ZCCHC14: variants seen among roughly 807,000 people sequenced by gnomAD.
ZCCHC14 encodes the protein zinc finger CCHC-type containing 14, also known as zinc finger CCHC domain-containing protein 14.
Under a neutral mutation model 85.0 loss-of-function variants are expected in ZCCHC14, and 16 were observed. That is an observed-to-expected ratio of 0.19 (90% CI 0.13 to 0.29). The LOEUF (loss-of-function observed/expected upper bound fraction) is 0.29. Among genes scored for constraint, ZCCHC14 ranks in the 10% least tolerant of loss-of-function variants. ZCCHC14 has a pLI of 1.00. For synonymous variants in ZCCHC14, 775 were observed against 630.7 expected (o/e 1.23, Z -3.43); for missense variants, 1,303 against 1,443.5 (o/e 0.90, Z 1.58).
At position 87,410,250 on chromosome 16, in the gene ZCCHC14, T is replaced by C; in HGVS notation, c.*30A>G. On this transcript the variant is annotated 3_prime_UTR_variant, in exon 13 of 13. Coordinates refer to ENST00000671377, the MANE Select transcript of ZCCHC14 (RefSeq NM_015144.3). Reference sequence around the variant, plus strand: ...TTAATTTTCCTTATGTCTCCATGGCTTAATAACGTTCTGTTGCCAGAGAAA... The same window carrying C: ...TTAATTTTCCTTATGTCTCCATGGCCTAATAACGTTCTGTTGCCAGAGAAA... The C allele has an allele frequency of 1.3e-6, 1 of 749,724 alleles. No individual in the cohort carries two copies. Among genetic ancestry groups the C allele is most frequent in the South Asian group, 1.4e-5 (1 of 69,024 alleles). 46.4% of individuals were successfully genotyped at this position (749,724 alleles called of 1,614,324 possible).
rs75203990 is a variant in ZCCHC14 at position 87,471,287 on chromosome 16, A to G, written c.571-11156T>C. 51 of 152,378 alleles carry G rather than the reference A, an allele frequency of 3.3e-4. No individual in the cohort carries two copies. The East Asian group carries it at 8.7e-3, about 26-fold the overall frequency. 9.4% of individuals were successfully genotyped at this position (152,378 alleles called of 1,614,324 possible). ...GCTAAAATAGTCATTACGTGTCTCT[A>G]AAAACCAGAACAAGAAGACAGACAG... On this transcript the variant is annotated intron_variant, in intron 1 of 12. Coordinates refer to ENST00000671377, the MANE Select transcript of ZCCHC14 (RefSeq NM_015144.3).
chr16:87,467,072 A>G, intron 1 of ZCCHC14: 1 of 483,326 alleles, frequency 2.1e-6, no homozygotes, highest in Non-Finnish European at 3.7e-6. Flanking sequence ...TACTAAAGAG[A>G]CAGGGTCCCG....
At chr16:87,462,617 G>T (rs1176351876) in intron 1 of ZCCHC14, among the ~76,000 whole-genome samples, 4 of 151,650 alleles carry the variant, frequency 2.6e-5, no homozygotes, top group Admixed American at 2.6e-4. Context: ...GCGGGTGCTT[G>T]TAGTCCCAGC....
In ZCCHC14 at chr16:87,408,595, GGAGAA is replaced by G. The variant is rs1191627957; in HGVS notation, c.*1680_*1684del. On this transcript the variant is annotated 3_prime_UTR_variant, in exon 13 of 13. Transcript: ENST00000671377. ...AACACTGTAATACTGTGTACCATGAGGAGAAGAGGTCTGTTAATTCTGCATTGCAT... is the reference window on the plus strand; with the variant it reads ...AACACTGTAATACTGTGTACCATGAGGAGGTCTGTTAATTCTGCATTGCAT... 3 of 152,414 alleles carry G rather than the reference GGAGAA, an allele frequency of 2.0e-5. No individual in the cohort carries two copies. The highest frequency in any genetic ancestry group is 1.9e-4 in the East Asian group (1 of 5,198). The allele number at this position is 152,414 out of a possible 1,614,324, so 9.4% of individuals were successfully genotyped here. A position where few individuals can be genotyped will look rare whatever the true frequency, so the allele number is the denominator to read the frequency against.
At chr16:87,425,912 A>C (rs1205763800) in intron 3 of ZCCHC14, among the ~76,000 whole-genome samples, 1 of 152,244 alleles carries the variant, frequency 6.6e-6, no homozygotes, top group African/African-American at 2.4e-5. Context: ...CCAGCGATTA[A>C]ACATGGTATG....
At chr16:87,477,433 A>C (rs1451049848) in intron 1 of ZCCHC14, among the ~76,000 whole-genome samples, 1 of 152,192 alleles carries the variant, frequency 6.6e-6, no homozygotes, top group Non-Finnish European at 1.5e-5. Context: ...GAGCTGGCAG[A>C]AGCCGGGGAT....
In ZCCHC14 at chr16:87,447,277, CTG is replaced by C. The variant is rs1313397153; in HGVS notation, c.694+12729_694+12730del. ...GGACACCTGCCAGACTGCAAAGGGC[CTG>C]TGTGAAACGGCAAGGGGGTCAGGTG... On this transcript the variant is annotated intron_variant, in intron 2 of 12. Coordinates refer to ENST00000671377, the MANE Select transcript of ZCCHC14 (RefSeq NM_015144.3). Among the ~76,000 whole-genome samples the C allele has an allele frequency of 2.9e-3, 434 of 151,958 alleles. 8 individuals are homozygous for C. Among genetic ancestry groups the C allele is most frequent in the Non-Finnish European group, 3.8e-4 (26 of 67,948 alleles).
chr16:87,413,256 C>T (rs34970062), intron 10 of ZCCHC14, 61 bp from the exon 11 acceptor site: 80,825 of 1,458,378 alleles, frequency 0.055, 2,506 homozygotes, highest in Middle Eastern at 0.083. Flanking sequence ...CAGCCCGCCC[C>T]GTGCCCCTGC....
intron 1 of ZCCHC14, among the ~76,000 whole-genome samples, chr16:87,469,531 C>G (rs1025666452): frequency 1.3e-5 from 2 of 152,232 alleles, no homozygotes; most frequent in African/African-American, 4.8e-5. Context: ...GCCCCTGTTT[C>G]GTCCACTATG....
chr16:87,468,218 TG>T (rs2150766399), intron 1 of ZCCHC14, among the ~76,000 whole-genome samples: 1 of 152,326 alleles, frequency 6.6e-6, no homozygotes, highest in South Asian at 2.1e-4. Context: ...GACGTACAGA[TG>T]GTGACATCTG....
At chr16:87,490,026 T>C (rs1460355613) in intron 1 of ZCCHC14, among the ~76,000 whole-genome samples, 1 of 152,140 alleles carries the variant, frequency 6.6e-6, no homozygotes, top group East Asian at 1.9e-4. Flanking sequence ...CTTACATGGA[T>C]TACTATAAAC....
intron 1 of ZCCHC14, among the ~76,000 whole-genome samples, chr16:87,481,552 G>GGGGGGGGGA (rs1567544383): frequency 3.2e-5 from 1 of 31,166 alleles, no homozygotes; most frequent in Non-Finnish European, 7.0e-5. Flanking sequence ...TGGGGGGGGG[G>GGGGGGGGGA]AAGGGTAAGC....
intron 1 of ZCCHC14, among the ~76,000 whole-genome samples, chr16:87,477,138 A>C (rs1164372931): frequency 2.4e-5 from 3 of 126,708 alleles, no homozygotes; most frequent in South Asian, 2.4e-4. Context: ...AAAAAAAAAA[A>C]AAACAAAACA....
At chr16:87,437,870 A>T (rs1262360242) in intron 2 of ZCCHC14, among the ~76,000 whole-genome samples, 1 of 152,240 alleles carries the variant, frequency 6.6e-6, no homozygotes, top group Non-Finnish European at 1.5e-5. Flanking sequence ...GGAAGCTGGA[A>T]TAAGAATGGT....
chr16:87,430,994 G>C (rs978939198), intron 3 of ZCCHC14, among the ~76,000 whole-genome samples: 2 of 152,016 alleles, frequency 1.3e-5, no homozygotes, highest in Non-Finnish European at 2.9e-5. Flanking sequence ...CAAAAAATTA[G>C]CTGGGTATGG....
intron 2 of ZCCHC14, among the ~76,000 whole-genome samples, chr16:87,441,234 C>T (rs370883072): frequency 1.4e-4 from 21 of 151,374 alleles, no homozygotes; most frequent in East Asian, 2.0e-4. Context: ...CCTCGTGATC[C>T]GCCCGCCTCG....
At chr16:87,460,429 C>A (rs1911202892) in intron 1 of ZCCHC14, among the ~76,000 whole-genome samples, 1 of 152,182 alleles carries the variant, frequency 6.6e-6, no homozygotes, top group Admixed American at 6.5e-5. Context: ...GTGGCTCACG[C>A]CTGTTATCCC....
chr16:87,417,866 C>T, intron 7 of ZCCHC14, 124 bp from the exon 8 acceptor site: 4 of 1,214,042 alleles, frequency 3.3e-6, no homozygotes, highest in African/African-American at 1.5e-5. Context: ...CCTGTTGTCA[C>T]AGGCCACCCT....
chr16:87,434,579 T>C (rs778485247), intron 2 of ZCCHC14, among the ~76,000 whole-genome samples: 39 of 152,214 alleles, frequency 2.6e-4, no homozygotes, highest in Admixed American at 1.4e-3. Flanking sequence ...AATGTGACAC[T>C]TCCTGCAGGC....
Sources: allele counts gnomAD v4.1 joint callset (sites outside exome capture counted in the v4.1 genomes callset), GRCh38; gene constraint gnomAD v4.1.1; transcripts MANE v1.5; gene names NCBI Gene and HGNC (gene_info 2026-07-23, HGNC 2026-07-21).